The following SOS1 variants were observed in gnomAD, a reference collection of about 807,000 sequenced individuals.
SOS1 encodes the protein SOS Ras/Rac guanine nucleotide exchange factor 1, also known as son of sevenless homolog 1.
In SOS1, 25 loss-of-function variants were observed where a neutral mutation model predicts 157.6. The ratio of observed to expected loss-of-function variants is 0.16; its 90% CI spans 0.12 to 0.22. SOS1 has a LOEUF of 0.22. SOS1 is among the 10% of genes least tolerant of loss of function. The probability of loss-of-function intolerance (pLI) is 1.00; values close to 1 mark genes in which losing one functional copy is unlikely to be tolerated. For missense variants in SOS1, 1,237 were observed against 1,599.1 expected (o/e 0.77, Z 3.86); for synonymous variants, 528 against 534.0 (o/e 0.99, Z 0.16).
intron 1 of SOS1, among the ~76,000 whole-genome samples, chr2:39,117,872 G>C (rs529364898): frequency 6.6e-6 from 1 of 152,260 alleles, no homozygotes; most frequent in South Asian, 2.1e-4. Context: ...TTTTAAACCA[G>C]TCAAATGTAA....
At chr2:38,995,049 C>CA in intron 20 of SOS1, 74 bp downstream of exon 20, 2 of 1,277,286 alleles carry the variant, frequency 1.6e-6, no homozygotes, top group Non-Finnish European at 2.3e-6. Flanking sequence ...AAAAAAATAA[C>CA]AGAGATTCTT....
chr2:39,121,344 G>A (rs934393558), upstream of SOS1, among the ~76,000 whole-genome samples: 1 of 152,172 alleles, frequency 6.6e-6, no homozygotes, highest in Non-Finnish European at 1.5e-5. Flanking sequence ...GTTTCGGAAA[G>A]GGGTGTGTGT....
At chr2:39,061,591 T>TGC (rs1035720578) in intron 2 of SOS1, among the ~76,000 whole-genome samples, 4 of 152,164 alleles carry the variant, frequency 2.6e-5, no homozygotes, top group African/African-American at 9.7e-5. Flanking sequence ...CCTGCTATGT[T>TGC]GCCCAGGCTG....
intron 1 of SOS1, among the ~76,000 whole-genome samples, chr2:39,082,927 A>T (rs909634529): frequency 1.3e-5 from 2 of 152,196 alleles, no homozygotes; most frequent in African/African-American, 2.4e-5. Flanking sequence ...AGGAAATGTT[A>T]TATGTGGTCT....
chr2:39,009,549 CAT>C lies in SOS1; in HGVS notation c.2510+1033_2510+1034del, dbSNP rs1230069042. Among the ~76,000 whole-genome samples, 8 of 152,242 alleles carry C rather than the reference CAT, an allele frequency of 5.3e-5. No individual in the cohort carries two copies. In the South Asian group the frequency reaches 1.5e-3, roughly 28 times the overall value. ...AAACAACTGTATAAAATAATATAAA[CAT>C]TGTTGAATTTATTGACATAGAAATG... On this transcript the variant is annotated intron_variant, in intron 15 of 22. Transcript: ENST00000402219.
At chr2:39,116,695 T>C (rs1673662285) in intron 1 of SOS1, among the ~76,000 whole-genome samples, 1 of 152,134 alleles carries the variant, frequency 6.6e-6, no homozygotes, top group Non-Finnish European at 1.5e-5. Flanking sequence ...ACCCCATCTC[T>C]ACAAAAAATA....
At chr2:39,034,529 G>C (rs1022674190) in intron 8 of SOS1, among the ~76,000 whole-genome samples, 3 of 152,136 alleles carry the variant, frequency 2.0e-5, no homozygotes, top group African/African-American at 7.2e-5. Flanking sequence ...AAGGTAGAGA[G>C]AATATCACTT....
intron 6 of SOS1, among the ~76,000 whole-genome samples, chr2:39,050,827 G>C (rs1164247168): frequency 6.6e-6 from 1 of 152,150 alleles, no homozygotes; most frequent in African/African-American, 2.4e-5. Flanking sequence ...GACCTCAGGT[G>C]CAAGTTCTGT....
chr2:39,023,913 TTTC>T, intron 9 of SOS1, 94 bp downstream of exon 9: 6 of 838,020 alleles, frequency 7.2e-6, no homozygotes, highest in Non-Finnish European at 1.2e-5. Context: ...CTAAAACTAT[TTTC>T]TTCATTGTTT....
At chr2:39,066,408 C>T (rs1671589522) in intron 2 of SOS1, among the ~76,000 whole-genome samples, 1 of 152,186 alleles carries the variant, frequency 6.6e-6, no homozygotes, top group Admixed American at 6.5e-5. Flanking sequence ...GTCAAACGGT[C>T]CTTCATCATT....
rs758617552 is a variant in SOS1, at chr2:39,035,510, T to C, written c.865-10A>G. 45 of 1,555,832 alleles carry C rather than the reference T, an allele frequency of 2.9e-5. No individual in the cohort carries two copies. The South Asian group carries it at 4.2e-4, about 15-fold the overall frequency. On this transcript the variant is annotated splice_polypyrimidine_tract_variant and intron_variant, in intron 6 of 22. Transcript: ENST00000402219. ...GATCAAATGCCAGTTCCTTAGAAAA[T>C]AAAGAAGGTAAAACATAAATAATTT...
upstream of SOS1, among the ~76,000 whole-genome samples, chr2:39,122,756 G>C (rs146846795): frequency 6.6e-6 from 1 of 152,130 alleles, no homozygotes; most frequent in African/African-American, 2.4e-5. Context: ...GTATTGGCCA[G>C]GCTGGTCTCG....
chr2:39,108,738 T>A (rs1004495282), intron 1 of SOS1, among the ~76,000 whole-genome samples: 7 of 151,758 alleles, frequency 4.6e-5, no homozygotes, highest in Non-Finnish European at 8.8e-5. Context: ...AAAAAATTTT[T>A]AAAAATTAGC....
intron 1 of SOS1, among the ~76,000 whole-genome samples, chr2:39,087,800 T>C (rs1672432276): frequency 6.6e-6 from 1 of 152,130 alleles, no homozygotes; most frequent in Non-Finnish European, 1.5e-5. Flanking sequence ...CACCTCGGCC[T>C]CTAGCGTAAC....
At chr2:39,023,899 G>C (rs905514472) in intron 9 of SOS1, 111 bp downstream of exon 9, 1 of 750,928 alleles carries the variant, frequency 1.3e-6, no homozygotes, top group African/African-American at 1.8e-5. Flanking sequence ...GACCAGGCTT[G>C]TCACTAAAAC....
intron 1 of SOS1, among the ~76,000 whole-genome samples, chr2:39,109,955 TAGAGA>T (rs1359220377): frequency 6.6e-6 from 1 of 151,538 alleles, no homozygotes; most frequent in Non-Finnish European, 1.5e-5. Context: ...TTACTATAAG[TAGAGA>T]AATCAACAAT....
rs553060157 is a variant in SOS1 at position 39,061,242 on chromosome 2, G to A, written c.214-2438C>T. Among the ~76,000 whole-genome samples, 6 of 107,216 alleles carry A rather than the reference G, an allele frequency of 5.6e-5. No homozygotes were observed. The South Asian group carries it at 1.3e-3, about 24-fold the overall frequency. 70.3% of individuals were successfully genotyped at this position (107,216 alleles called of 152,430 possible). ...GGTCAAAATGCATGCGGAAAGATTC[G>A]TAGGGTTAAAAAAAAAAAAAAAAAA... On this transcript the variant is annotated intron_variant, in intron 2 of 22. Transcript: ENST00000402219.
intron 10 of SOS1, among the ~76,000 whole-genome samples, chr2:39,016,704 G>T (rs988644424): frequency 6.6e-6 from 1 of 152,020 alleles, no homozygotes; most frequent in Non-Finnish European, 1.5e-5. Flanking sequence ...AATTTAGGGT[G>T]CCCTCTCCCT....
chr2:39,115,507 C>G (rs1673616341), intron 1 of SOS1, among the ~76,000 whole-genome samples: 1 of 147,544 alleles, frequency 6.8e-6, no homozygotes, highest in Admixed American at 6.9e-5. Context: ...CTTGACCTCT[C>G]AGACTCAAGC....
Sources: allele counts gnomAD v4.1 joint callset (sites outside exome capture counted in the v4.1 genomes callset), GRCh38; gene constraint gnomAD v4.1.1; transcripts MANE v1.5; gene names NCBI Gene and HGNC (gene_info 2026-07-23, HGNC 2026-07-21).